Variants in TMEM135 observed in about 807,000 individuals in gnomAD.
TMEM135 encodes the protein transmembrane protein 135, also known as peroxisomal membrane protein 52.
Under a neutral mutation model 60.3 loss-of-function variants are expected in TMEM135, and 30 were observed. The observed-to-expected ratio is 0.50, with a 90% confidence interval of 0.37 to 0.68. The LOEUF (loss-of-function observed/expected upper bound fraction) is 0.68. Ranked by LOEUF, TMEM135 falls within the 30% of genes least tolerant of loss-of-function variation. TMEM135 has a pLI of 0.00. For missense variants in TMEM135, 468 were observed against 548.8 expected (o/e 0.85, Z 1.47); for synonymous variants, 190 against 186.7 (o/e 1.02, Z -0.14).
chr11:87,300,698 A>T (rs1165926442), intron 7 of TMEM135, among the ~76,000 whole-genome samples: 1 of 152,216 alleles, frequency 6.6e-6, no homozygotes, highest in East Asian at 1.9e-4. Context: ...CATGTGCCAG[A>T]CACTATGCTA....
chr11:87,246,488 C>A (rs928268761), intron 6 of TMEM135, among the ~76,000 whole-genome samples: 11 of 152,320 alleles, frequency 7.2e-5, no homozygotes, highest in Non-Finnish European at 1.5e-4. Flanking sequence ...TTCAGGTACA[C>A]CAGTCAGACG....
intron 3 of TMEM135, among the ~76,000 whole-genome samples, chr11:87,075,584 T>C (rs2512394): frequency 0.55 from 83,744 of 152,094 alleles, 23,900 homozygotes; most frequent in East Asian, 0.71. Context: ...ACCACTGCAC[T>C]TGGCCTATTT....
chr11:87,091,274 T>G, intron 3 of TMEM135, 88 bp from the exon 4 acceptor site: 3 of 1,198,992 alleles, frequency 2.5e-6, no homozygotes, highest in Non-Finnish European at 3.6e-6. Flanking sequence ...TCTGAGAATA[T>G]AATTCTTTTT....
intron 6 of TMEM135, among the ~76,000 whole-genome samples, chr11:87,247,510 A>T (rs960059487): frequency 6.6e-6 from 1 of 152,088 alleles, no homozygotes; most frequent in Non-Finnish European, 1.5e-5. Context: ...GGCTCCACCC[A>T]GTTCGAGCTT....
At chr11:87,164,705 T>C (rs1938991288) in intron 5 of TMEM135, among the ~76,000 whole-genome samples, 1 of 82,970 alleles carries the variant, frequency 1.2e-5, no homozygotes, top group African/African-American at 6.3e-5. Flanking sequence ...TGTGTCCTCT[T>C]TTATTTCCTT....
In TMEM135 at chr11:87,328,472, A is replaced by G; in HGVS notation, c.*7139A>G. 1 of 454,124 alleles carries G rather than the reference A, an allele frequency of 2.2e-6. No individual in the cohort carries two copies. Among genetic ancestry groups the G allele is most frequent in the South Asian group, 1.6e-5 (1 of 64,480 alleles). 28.1% of individuals were successfully genotyped at this position (454,124 alleles called of 1,614,324 possible). A position where few individuals can be genotyped will look rare whatever the true frequency, so the allele number is the denominator to read the frequency against. ...TGCACCTGTCACCAGAATAGTGTGC[A>G]TTGTACCCAATATATAGCTTTTTAT... is the stretch of plus-strand genomic sequence containing the variant. On this transcript the variant is annotated 3_prime_UTR_variant, in exon 15 of 15. Coordinates refer to ENST00000305494, the MANE Select transcript of TMEM135 (RefSeq NM_022918.4).
At chr11:87,236,764 T>G in intron 6 of TMEM135, 80 bp downstream of exon 6, 13 of 1,369,716 alleles carry the variant, frequency 9.5e-6, no homozygotes, top group Non-Finnish European at 1.4e-5. Context: ...AACTAAAGTA[T>G]TCTCCAAATA....
In TMEM135 at chr11:87,244,132, T is replaced by C. The variant is rs1358204567; in HGVS notation, c.509+7448T>C. ...ATCATGTGGTTTTTGTCTTTGGCTC[T>C]GTTTATATGCTGGATTACATTTATT... On this transcript the variant is annotated intron_variant, in intron 6 of 14. Transcript: ENST00000305494. Among the ~76,000 whole-genome samples the C allele has an allele frequency of 4.2e-5, 3 of 72,156 alleles. 1 individual carries two copies. The highest frequency in any genetic ancestry group is 9.7e-5 in the Non-Finnish European group (3 of 30,850). The allele number at this position is 72,156 out of a possible 152,430, so 47.3% of individuals were successfully genotyped here. A position where few individuals can be genotyped will look rare whatever the true frequency, so the allele number is the denominator to read the frequency against.
At chr11:87,143,370 T>C (rs1938319815) in intron 4 of TMEM135, among the ~76,000 whole-genome samples, 1 of 151,730 alleles carries the variant, frequency 6.6e-6, no homozygotes. Flanking sequence ...TTCTTTCTTT[T>C]TTTTTTTTTA....
chr11:87,316,274 G>A (rs1227325162), intron 12 of TMEM135, among the ~76,000 whole-genome samples: 1 of 150,520 alleles, frequency 6.6e-6, no homozygotes, highest in African/African-American at 2.5e-5. Flanking sequence ...ATATGTGTGT[G>A]TGTGTGTGTG....
At chr11:87,247,406 G>T (rs1714960659) in intron 6 of TMEM135, among the ~76,000 whole-genome samples, 1 of 152,206 alleles carries the variant, frequency 6.6e-6, no homozygotes, top group African/African-American at 2.4e-5. Flanking sequence ...GGATATTTAA[G>T]TCTGCACAGG....
chr11:87,059,661 C>T (rs1371104671), intron 1 of TMEM135, among the ~76,000 whole-genome samples: 2 of 152,146 alleles, frequency 1.3e-5, no homozygotes, highest in Non-Finnish European at 2.9e-5. Context: ...CTTCTTAACA[C>T]TTAATAAAAC....
At chr11:87,203,158 G>A (rs1940158775) in intron 5 of TMEM135, among the ~76,000 whole-genome samples, 1 of 148,394 alleles carries the variant, frequency 6.7e-6, no homozygotes, top group African/African-American at 2.5e-5. Flanking sequence ...TTAACATCCC[G>A]CACCAGACTG....
At chr11:87,043,183 G>A (rs1432885868) in intron 1 of TMEM135, among the ~76,000 whole-genome samples, 1 of 151,510 alleles carries the variant, frequency 6.6e-6, no homozygotes, top group Non-Finnish European at 1.5e-5. Context: ...TGGAACTCCT[G>A]ACCTCAGGTG....
At chr11:87,198,545 T>G (rs1591097074) in intron 5 of TMEM135, among the ~76,000 whole-genome samples, 1 of 99,104 alleles carries the variant, frequency 1.0e-5, no homozygotes, top group Non-Finnish European at 2.0e-5. Context: ...CTCCCTTCCC[T>G]CCTCCCTCCC....
chr11:87,148,078 A>G (rs943918083), intron 4 of TMEM135, among the ~76,000 whole-genome samples: 1 of 152,198 alleles, frequency 6.6e-6, no homozygotes, highest in African/African-American at 2.4e-5. Flanking sequence ...TTAAACAAAG[A>G]CATTGTAGAC....
chr11:87,073,938 G>C (rs919227753), intron 3 of TMEM135, among the ~76,000 whole-genome samples: 1 of 151,864 alleles, frequency 6.6e-6, no homozygotes, highest in South Asian at 2.1e-4. Context: ...AAAGTGCTGG[G>C]ATTACCTGCG....
intron 4 of TMEM135, among the ~76,000 whole-genome samples, chr11:87,149,164 A>T (rs1938489347): frequency 6.6e-6 from 1 of 152,152 alleles, no homozygotes; most frequent in African/African-American, 2.4e-5. Context: ...GTATTTTACT[A>T]ATTAAGTCTA....
At chr11:87,038,290 G>A in intron 1 of TMEM135, 104 bp downstream of exon 1, 1 of 1,481,478 alleles carries the variant, frequency 6.8e-7, no homozygotes, top group South Asian at 1.2e-5. Flanking sequence ...CCTTGTGTCG[G>A]GCTCTCTTTT....
Sources: allele counts gnomAD v4.1 joint callset (sites outside exome capture counted in the v4.1 genomes callset), GRCh38; gene constraint gnomAD v4.1.1; transcripts MANE v1.5; gene names NCBI Gene and HGNC (gene_info 2026-07-23, HGNC 2026-07-21).